CHTOP: variants seen among roughly 807,000 people sequenced by gnomAD.
CHTOP encodes the protein chromatin target of PRMT1.
CHTOP carries 18 observed loss-of-function variants against 33.6 expected under a neutral mutation model. The observed-to-expected ratio is 0.54, with a 90% CI of 0.37 to 0.80. The LOEUF (loss-of-function observed/expected upper bound fraction) is 0.80, where lower values mean the gene tolerates loss of function less well. CHTOP is among the 30% of genes least tolerant of loss of function. The pLI is 0.00. For synonymous variants in CHTOP, 117 were observed against 127.7 expected (o/e 0.92, Z 0.56); for missense variants, 263 against 336.8 (o/e 0.78, Z 1.71).
chr1:153,638,900 A>G (rs1668511317), intron 3 of CHTOP, among the ~76,000 whole-genome samples: 2 of 133,380 alleles, frequency 1.5e-5, no homozygotes. Context: ...TTTTTTTTTT[A>G]GACGGAGTCT....
chr1:153,643,403 A>T, intron 5 of CHTOP, 39 bp downstream of exon 5: 3 of 1,470,936 alleles, frequency 2.0e-6, no homozygotes, highest in Non-Finnish European at 2.7e-6. Flanking sequence ...GCTCCCCCTT[A>T]CTTTCCTCCC....
intron 1 of CHTOP, among the ~76,000 whole-genome samples, chr1:153,635,671 A>C (rs1294287246): frequency 6.6e-6 from 1 of 151,982 alleles, no homozygotes; most frequent in African/African-American, 2.4e-5. Context: ...AAATAAAAAA[A>C]AATTAGCCGG....
In CHTOP at chr1:153,645,888, T is replaced by A. The variant is rs1176057438; in HGVS notation, c.*619T>A. ...GTAGCAGCTCTGGTTTGATTCAAGT[T>A]GCTACCATGTACATTGACAGCACAT... On this transcript the variant is annotated 3_prime_UTR_variant, in exon 6 of 6. Coordinates refer to ENST00000368694, the MANE Select transcript of CHTOP (RefSeq NM_015607.4). 6.5e-6 allele frequency: 1 copy of A among 153,128 alleles called. No individual in the cohort carries two copies. Among genetic ancestry groups the A allele is most frequent in the African/African-American group, 2.4e-5 (1 of 41,476 alleles). The allele number at this position is 153,128 out of a possible 1,614,324, so 9.5% of individuals were successfully genotyped here.
At chr1:153,639,735 G>A (rs1319121998) in intron 3 of CHTOP, among the ~76,000 whole-genome samples, 3 of 152,208 alleles carry the variant, frequency 2.0e-5, no homozygotes, top group Non-Finnish European at 2.9e-5. Context: ...TCTGCAGGAA[G>A]TAGTCCCTAT....
chr1:153,642,394 C>T lies in CHTOP; in HGVS notation c.368C>T (p.Thr123Ile), dbSNP rs752725744. The change falls in exon 4 of 6, where the codon ACC becomes ATC. Residue 123 changes from threonine to isoleucine, a missense_variant. Coordinates refer to ENST00000368694, the MANE Select transcript of CHTOP (RefSeq NM_015607.4). ...PRGGLRGGRA[T>I]RTLLRGGMSL... ...GGAGGACTACGTGGGGGACGTGCCA[C>T]CAGAACCCTACTTAGGGGCGGGATG... The T allele has an allele frequency of 6.2e-7, 1 of 1,614,012 alleles. No homozygotes were observed. The highest frequency in any genetic ancestry group is 1.7e-5 in the Admixed American group (1 of 59,998).
chr1:153,638,672 TTTC>T (rs1221965935), intron 3 of CHTOP: 2 of 584,968 alleles, frequency 3.4e-6, no homozygotes, highest in Non-Finnish European at 6.2e-6. Flanking sequence ...ATGTGGCCTG[TTTC>T]TGTTACCAAT....
At chr1:153,636,480 G>A (rs1668408407) in intron 1 of CHTOP, 92 bp from the exon 2 acceptor site, 1 of 938,840 alleles carries the variant, frequency 1.1e-6, no homozygotes, top group Non-Finnish European at 1.7e-6. Context: ...TCAGTGATAA[G>A]GCCTTTTTAT....
At chr1:153,642,685 C>T in intron 4 of CHTOP, 2 of 311,346 alleles carry the variant, frequency 6.4e-6, no homozygotes, top group Non-Finnish European at 1.2e-5. Flanking sequence ...TTTAAAACAC[C>T]CTGCTGTTGC....
chr1:153,642,735 C>A, intron 4 of CHTOP: 1 of 247,396 alleles, frequency 4.0e-6, no homozygotes, highest in Non-Finnish European at 7.8e-6. Flanking sequence ...ACAAGTCAAA[C>A]ATAAGAAATT....
chr1:153,636,690 GA>G, intron 2 of CHTOP, 37 bp downstream of exon 2: 1 of 1,589,844 alleles, frequency 6.3e-7, no homozygotes, highest in Non-Finnish European at 8.6e-7. Context: ...TCCTTCCTAA[GA>G]AAACATTACT....
chr1:153,636,240 TATA>T, intron 1 of CHTOP, among the ~76,000 whole-genome samples: 1 of 151,998 alleles, frequency 6.6e-6, no homozygotes, highest in East Asian at 1.9e-4. Flanking sequence ...ACCTTGAAGT[TATA>T]ATAATCTGAG....
At chr1:153,643,605 T>G (rs1668703044) in intron 5 of CHTOP, 2 of 374,926 alleles carry the variant, frequency 5.3e-6, no homozygotes, top group Admixed American at 4.3e-5. Context: ...TCCTCCAAGC[T>G]CTTGCAAATT....
intron 3 of CHTOP, among the ~76,000 whole-genome samples, chr1:153,640,390 AC>A (rs1668577039): frequency 1.3e-5 from 2 of 151,794 alleles, no homozygotes; most frequent in Admixed American, 6.6e-5. Context: ...AATCTCTTGA[AC>A]CCAGGAAGTG....
chr1:153,638,107 A>G (rs1668477878), intron 2 of CHTOP, 188 bp from the exon 3 acceptor site: 9 of 612,428 alleles, frequency 1.5e-5, no homozygotes, highest in Admixed American at 3.0e-5. Flanking sequence ...CTGCATTTCT[A>G]AGTTTCTGAT....
intron 3 of CHTOP, 34 bp from the exon 4 acceptor site, chr1:153,642,212 G>A (rs979129089): frequency 1.7e-5 from 27 of 1,547,466 alleles, no homozygotes; most frequent in Non-Finnish European, 2.1e-5. Flanking sequence ...TTGCTTTTTT[G>A]ATCTCAATCC....
chr1:153,640,637 T>G (rs939628917), intron 3 of CHTOP, among the ~76,000 whole-genome samples: 1 of 151,976 alleles, frequency 6.6e-6, no homozygotes, highest in African/African-American at 2.4e-5. Context: ...CCAGGCGTGA[T>G]GACAGCTCCT....
intron 4 of CHTOP, 131 bp downstream of exon 4, chr1:153,642,560 T>C: frequency 6.0e-6 from 4 of 667,026 alleles, no homozygotes; most frequent in Non-Finnish European, 9.6e-6. Flanking sequence ...TGAAATCACA[T>C]ATTTTTAATA....
chr1:153,634,991 T>C (rs1668298632), intron 1 of CHTOP, among the ~76,000 whole-genome samples: 1 of 151,964 alleles, frequency 6.6e-6, no homozygotes, highest in Admixed American at 6.6e-5. Flanking sequence ...GTAGCTGGGA[T>C]TACAGCCATG....
At chr1:153,636,425 A>AG in intron 1 of CHTOP, 147 bp from the exon 2 acceptor site, 1 of 523,662 alleles carries the variant, frequency 1.9e-6, no homozygotes, top group Non-Finnish European at 3.3e-6. Flanking sequence ...AAAAAAAAAA[A>AG]GAAATTTAAG....
Sources: allele counts gnomAD v4.1 joint callset (sites outside exome capture counted in the v4.1 genomes callset), GRCh38; gene constraint gnomAD v4.1.1; transcripts MANE v1.5; gene names NCBI Gene and HGNC (gene_info 2026-07-23, HGNC 2026-07-21).